UEVLD: variants seen among roughly 807,000 people sequenced by gnomAD.
The protein encoded by UEVLD is ubiquitin-conjugating enzyme E2 variant 3.
In UEVLD, 47 loss-of-function variants were observed where a neutral mutation model predicts 58.6. The observed-to-expected ratio is 0.80, with a 90% CI of 0.63 to 1.02. The LOEUF is 1.02. Among genes scored for constraint, UEVLD ranks in the 50% least tolerant of loss-of-function variants. The probability of loss-of-function intolerance (pLI) is 0.00; values close to 1 mark genes in which losing one functional copy is unlikely to be tolerated. For missense variants in UEVLD, 510 were observed against 550.6 expected (o/e 0.93, Z 0.74); for synonymous variants, 197 against 195.3 (o/e 1.01, Z -0.07).
At chr11:18,546,253 A>G (rs1248598473) in intron 8 of UEVLD, among the ~76,000 whole-genome samples, 1 of 152,222 alleles carries the variant, frequency 6.6e-6, no homozygotes, top group Non-Finnish European at 1.5e-5. Flanking sequence ...TATCATGCAT[A>G]TAAGTCATTG....
At chr11:18,550,643 C>T (rs1851484793) in intron 7 of UEVLD, among the ~76,000 whole-genome samples, 1 of 152,206 alleles carries the variant, frequency 6.6e-6, no homozygotes, top group African/African-American at 2.4e-5. Flanking sequence ...CACCCAACTT[C>T]GAGTCCTCAC....
Position 18,536,445 on chromosome 11 carries a change from T to A in UEVLD, c.1085A>T (p.Glu362Val), listed in dbSNP as rs201487826. The change falls in exon 10 of 12, where the codon GAA becomes GTA. Residue 362 changes from glutamate (E) to valine (V), a missense_variant. Glu to Val is a moderately radical substitution (Grantham distance 121). Transcript: ENST00000396197. ...CACTTGAGAGGTATGACTCACTACT[T>A]CTTCTTGGCCACTCCATGTGAGCAC... ...DKVLTWSGQE[E>V]VVSHTSQVQL... is the part of the protein sequence containing the mutation. The A allele has an allele frequency of 9.9e-6, 16 of 1,613,148 alleles. No individual in the cohort carries two copies. The highest frequency in any genetic ancestry group is 1.2e-5 in the Non-Finnish European group (14 of 1,179,538).
At chr11:18,534,081 T>G (rs1169724252) in intron 11 of UEVLD, among the ~76,000 whole-genome samples, 3 of 152,188 alleles carry the variant, frequency 2.0e-5, no homozygotes, top group Non-Finnish European at 4.4e-5. Context: ...ACTGAGTGGT[T>G]GTCACATGCC....
At chr11:18,560,138 CAGAGAGAG>C (rs112126418) in intron 6 of UEVLD, among the ~76,000 whole-genome samples, 27 of 74,840 alleles carry the variant, frequency 3.6e-4, no homozygotes, top group African/African-American at 1.3e-3. Flanking sequence ...CACACACACA[CAGAGAGAG>C]AAAGAAAATA....
intron 3 of UEVLD, among the ~76,000 whole-genome samples, chr11:18,572,984 T>C (rs1852706896): frequency 6.6e-6 from 1 of 152,130 alleles, no homozygotes; most frequent in Admixed American, 6.5e-5. Context: ...ATAATATACA[T>C]TCTGACCTTC....
intron 6 of UEVLD, among the ~76,000 whole-genome samples, chr11:18,558,782 CAAA>C (rs760975470): frequency 1.7e-5 from 2 of 118,330 alleles, no homozygotes; most frequent in Non-Finnish European, 3.6e-5. Flanking sequence ...GACTCTATCT[CAAA>C]AAAAAAAAAA....
intron 8 of UEVLD, among the ~76,000 whole-genome samples, chr11:18,546,511 T>G (rs940344861): frequency 1.6e-4 from 24 of 151,904 alleles, no homozygotes; most frequent in African/African-American, 5.6e-4. Context: ...TTTTGTTTTT[T>G]TTTTTTGAGA....
At chr11:18,570,066 G>C in intron 4 of UEVLD, 148 bp downstream of exon 4, 1 of 886,566 alleles carries the variant, frequency 1.1e-6, no homozygotes, top group East Asian at 3.1e-5. Context: ...TAACCCTAGA[G>C]AGCTCAATTT....
chr11:18,575,233 T>C (rs1483508945), intron 3 of UEVLD, 114 bp downstream of exon 3: 33 of 1,128,228 alleles, frequency 2.9e-5, no homozygotes, highest in Non-Finnish European at 4.2e-5. Context: ...AGGTTCTGTA[T>C]AGGTCATATA....
At chr11:18,551,509 A>C (rs1241916439) in intron 7 of UEVLD, among the ~76,000 whole-genome samples, 2 of 152,070 alleles carry the variant, frequency 1.3e-5, no homozygotes, top group Non-Finnish European at 2.9e-5. Context: ...CTGTCATGTC[A>C]CAGGTAATGT....
intron 9 of UEVLD, among the ~76,000 whole-genome samples, chr11:18,538,158 T>C (rs995413045): frequency 8.5e-5 from 13 of 152,222 alleles, no homozygotes; most frequent in African/African-American, 2.9e-4. Flanking sequence ...TTAGACCACT[T>C]AGTCATGTGT....
At chr11:18,550,925 A>G (rs1379123706) in intron 7 of UEVLD, among the ~76,000 whole-genome samples, 1 of 152,164 alleles carries the variant, frequency 6.6e-6, no homozygotes, top group African/African-American at 2.4e-5. Context: ...TCCAGAATGC[A>G]AACCCCCAGA....
At chr11:18,584,661 C>T (rs763444256) in intron 1 of UEVLD, among the ~76,000 whole-genome samples, 98 of 152,216 alleles carry the variant, frequency 6.4e-4, no homozygotes, top group Middle Eastern at 6.8e-3. Context: ...GAGACGGAGT[C>T]TTGCTCTGTT....
At chr11:18,569,515 A>AT in intron 4 of UEVLD, among the ~76,000 whole-genome samples, 1 of 152,214 alleles carries the variant, frequency 6.6e-6, no homozygotes. Context: ...TATCAAAGAT[A>AT]TATTAGATAT....
intron 6 of UEVLD, among the ~76,000 whole-genome samples, chr11:18,562,265 G>C (rs954633506): frequency 6.6e-6 from 1 of 152,050 alleles, no homozygotes; most frequent in African/African-American, 2.4e-5. Context: ...TTGTAGGGTG[G>C]AGGCAGTGGC....
chr11:18,568,689 T>C (rs913937488), intron 4 of UEVLD, among the ~76,000 whole-genome samples: 3 of 152,186 alleles, frequency 2.0e-5, no homozygotes, highest in African/African-American at 7.2e-5. Flanking sequence ...CTTTGTTTTT[T>C]CTATTTCTTT....
At chr11:18,566,937 A>G (rs1391106363) in intron 4 of UEVLD, among the ~76,000 whole-genome samples, 2 of 152,196 alleles carry the variant, frequency 1.3e-5, no homozygotes, top group African/African-American at 2.4e-5. Context: ...ATTTTGAAAT[A>G]ATTTCAGACT....
chr11:18,583,184 A>G (rs1216256770), intron 1 of UEVLD, among the ~76,000 whole-genome samples: 1 of 148,204 alleles, frequency 6.7e-6, no homozygotes, highest in East Asian at 2.0e-4. Context: ...TCAGCCTCCC[A>G]AAGTACTTGG....
chr11:18,532,101 T>C lies in UEVLD; in HGVS notation c.*219A>G, dbSNP rs1048024666. The C allele has an allele frequency of 8.1e-6, 3 of 369,800 alleles. No individual in the cohort carries two copies. In the South Asian group the frequency reaches 2.2e-4, roughly 27 times the overall value. The allele number at this position is 369,800 out of a possible 1,614,324, so 22.9% of individuals were successfully genotyped here. A position where few individuals can be genotyped will look rare whatever the true frequency, so the allele number is the denominator to read the frequency against. Reference sequence around the variant, plus strand: ...CCTGCTGTAGATTTAAAGAACAGCATAGATATCTCAAGAACCCCAAATAAA... The same window carrying C: ...CCTGCTGTAGATTTAAAGAACAGCACAGATATCTCAAGAACCCCAAATAAA... On this transcript the variant is annotated 3_prime_UTR_variant, in exon 12 of 12. Transcript: ENST00000396197.
Sources: allele counts gnomAD v4.1 joint callset (sites outside exome capture counted in the v4.1 genomes callset), GRCh38; gene constraint gnomAD v4.1.1; transcripts MANE v1.5; gene names NCBI Gene and HGNC (gene_info 2026-07-23, HGNC 2026-07-21).